The following LARGE1 variants were observed in gnomAD, a reference collection of about 807,000 sequenced individuals.
LARGE1 encodes the protein xylosyl- and glucuronyltransferase LARGE1.
A neutral mutation model predicts 87.6 loss-of-function variants in LARGE1; 43 were observed. The observed-to-expected ratio is 0.49, with a 90% CI of 0.38 to 0.63. The LOEUF is 0.63. Ranked by LOEUF, LARGE1 falls within the 30% of genes least tolerant of loss-of-function variation. The pLI is 0.00. For synonymous variants in LARGE1, 434 were observed against 394.6 expected (o/e 1.10, Z -1.18); for missense variants, 802 against 1,000.2 (o/e 0.80, Z 2.67).
intron 9 of LARGE1, among the ~76,000 whole-genome samples, chr22:33,359,156 T>A (rs1281718734): frequency 2.0e-5 from 3 of 152,196 alleles, no homozygotes; most frequent in Admixed American, 2.0e-4. Flanking sequence ...ACAATAGTTC[T>A]ATACAGTCAT....
chr22:33,735,904 G>A (rs1032502074), intron 2 of LARGE1, among the ~76,000 whole-genome samples: 1 of 152,094 alleles, frequency 6.6e-6, no homozygotes, highest in Non-Finnish European at 1.5e-5. Context: ...TGTGGCCTTT[G>A]GTATCTGGCT....
chr22:33,804,096 T>A (rs2086241523), intron 1 of LARGE1, among the ~76,000 whole-genome samples: 1 of 152,114 alleles, frequency 6.6e-6, no homozygotes, highest in South Asian at 2.1e-4. Context: ...TGTACTCTCC[T>A]CCCTATACAG....
At chr22:33,194,534 G>T (rs1369132384) in intron 11 of LARGE1, among the ~76,000 whole-genome samples, 1 of 152,076 alleles carries the variant, frequency 6.6e-6, no homozygotes, top group Non-Finnish European at 1.5e-5. Flanking sequence ...TAATGTCTGG[G>T]TTATATGAAA....
intron 11 of LARGE1, among the ~76,000 whole-genome samples, chr22:33,221,369 C>T (rs923293047): frequency 7.2e-5 from 11 of 152,102 alleles, no homozygotes; most frequent in Admixed American, 6.6e-5. Flanking sequence ...CTGCAAGGGA[C>T]CACCTGCTGA....
chr22:33,257,065 C>T (rs1052815855), intron 11 of LARGE1, among the ~76,000 whole-genome samples: 1 of 152,070 alleles, frequency 6.6e-6, no homozygotes, highest in Non-Finnish European at 1.5e-5. Flanking sequence ...ATTAGCCGGG[C>T]GTGGTGGTGC....
intron 1 of LARGE1, among the ~76,000 whole-genome samples, chr22:33,843,440 A>AAAAC (rs71320994): frequency 6.8e-6 from 1 of 146,536 alleles, no homozygotes; most frequent in Non-Finnish European, 1.5e-5. Context: ...CCCTCTCAAA[A>AAAAC]AAATAAATAA....
At position 33,811,687 on chromosome 22, in the gene LARGE1, C is replaced by T. The variant is rs80352077; in HGVS notation, c.-82-50129G>A. Among the ~76,000 whole-genome samples, 680 of 152,274 alleles carry T rather than the reference C, an allele frequency of 4.5e-3. 3 individuals are homozygous for T. The highest frequency in any genetic ancestry group is 0.015 in the African/African-American group (624 of 41,536). On this transcript the variant is annotated intron_variant, in intron 1 of 14. Transcript: ENST00000397394. ...AGCCCAACTGGGAACAGCTTTATTA[C>T]GTCACGGTAAATTGTTCAAACTTTT... is the stretch of plus-strand genomic sequence containing the variant.
At chr22:33,089,368 T>TCTTCTTCTTCTTCTCCTC in the LARGE1 span, among the ~76,000 whole-genome samples, 687 of 78,242 alleles carry the variant, frequency 8.8e-3, 22 homozygotes, top group African/African-American at 0.031. Flanking sequence ...TTCTTCTTCT[T>TCTTCTTCTTCTTCTCCTC]CTCCTTCTTC....
intron 6 of LARGE1, among the ~76,000 whole-genome samples, chr22:33,446,904 G>C (rs1222507991): frequency 6.6e-6 from 1 of 152,130 alleles, no homozygotes; most frequent in Non-Finnish European, 1.5e-5. Context: ...TTGTTTGTTT[G>C]TGTTTTTGAG....
the LARGE1 span, among the ~76,000 whole-genome samples, chr22:33,120,409 TC>T: frequency 0.031 from 2,747 of 87,502 alleles, 63 homozygotes; most frequent in South Asian, 0.12. Flanking sequence ...TTTCTTTCTT[TC>T]CTTCTTTCTT....
At chr22:33,808,670 T>C (rs1198162199) in intron 1 of LARGE1, among the ~76,000 whole-genome samples, 4 of 152,252 alleles carry the variant, frequency 2.6e-5, no homozygotes, top group Non-Finnish European at 4.4e-5. Context: ...CGGATCAATT[T>C]CACAGTGACG....
chr22:33,679,238 C>T (rs1367076388), intron 2 of LARGE1, among the ~76,000 whole-genome samples: 3 of 152,164 alleles, frequency 2.0e-5, no homozygotes, highest in Admixed American at 2.0e-4. Context: ...CACCTATGTG[C>T]CAGACACTTT....
chr22:33,475,505 A>G (rs1423045218), intron 6 of LARGE1, among the ~76,000 whole-genome samples: 2 of 151,278 alleles, frequency 1.3e-5, no homozygotes, highest in Non-Finnish European at 2.9e-5. Context: ...CTTGTTGCCC[A>G]GGCTGGAGTG....
At chr22:33,446,834 T>C (rs73407357) in intron 6 of LARGE1, among the ~76,000 whole-genome samples, 7,607 of 152,230 alleles carry the variant, frequency 0.05, 605 homozygotes, top group African/African-American at 0.17. Context: ...CAGTGTCCCT[T>C]GGAGTTGAGT....
chr22:33,153,627 C>T, the LARGE1 span, among the ~76,000 whole-genome samples: 64,125 of 151,962 alleles, frequency 0.42, 13,970 homozygotes, highest in South Asian at 0.68. Context: ...TGTCTTTCTG[C>T]AACTTAAATT....
intron 7 of LARGE1, among the ~76,000 whole-genome samples, chr22:33,389,269 C>A (rs1278306704): frequency 2.0e-5 from 3 of 152,248 alleles, no homozygotes; most frequent in Non-Finnish European, 4.4e-5. Flanking sequence ...AGCCTCGTAT[C>A]TATGCAACAC....
At position 33,614,633 on chromosome 22, in the gene LARGE1, G is replaced by GCCACATTC. The variant is rs748410788; in HGVS notation, c.492-10083_492-10076dup. Among the ~76,000 whole-genome samples, 16 of 152,188 alleles carry GCCACATTC rather than the reference G, an allele frequency of 1.1e-4. No homozygotes were observed. The South Asian group carries it at 2.7e-3, about 26-fold the overall frequency. Reference sequence around the variant, plus strand: ...TCCTCCTGCAGGAATAAAGTCAACAGCCACATTCCCGGGGAAACCTTCCAC... The same window carrying GCCACATTC: ...TCCTCCTGCAGGAATAAAGTCAACAGCCACATTCCCACATTCCCGGGGAAACCTTCCAC... On this transcript the variant is annotated intron_variant, in intron 4 of 14. Coordinates refer to ENST00000397394, the MANE Select transcript of LARGE1 (RefSeq NM_133642.5).
chr22:33,921,613 T>C (rs1425787210), upstream of LARGE1, among the ~76,000 whole-genome samples: 4 of 152,168 alleles, frequency 2.6e-5, no homozygotes, highest in African/African-American at 7.2e-5. The surrounding 1 kb of genome is among the most constrained non-coding windows in gnomAD (Gnocchi z 4.1). Flanking sequence ...CCAAGAATCC[T>C]GTCCAAGGCT....
intron 12 of LARGE1, among the ~76,000 whole-genome samples, chr22:33,303,232 G>C (rs1368870255): frequency 1.3e-5 from 2 of 152,120 alleles, no homozygotes; most frequent in East Asian, 1.9e-4. Context: ...CCCATGATGT[G>C]GGGGGAGCTG....
Sources: allele counts gnomAD v4.1 joint callset (sites outside exome capture counted in the v4.1 genomes callset), GRCh38; gene constraint gnomAD v4.1.1; non-coding constraint Gnocchi (gnomAD v3.1); transcripts MANE v1.5; gene names NCBI Gene and HGNC (gene_info 2026-07-23, HGNC 2026-07-21).